The following EFR3B variants were observed in gnomAD, a reference collection of about 807,000 sequenced individuals.
The protein encoded by EFR3B is EFR3 homolog B.
In EFR3B, 64 loss-of-function variants were observed where a neutral mutation model predicts 104.7. That is an observed-to-expected ratio of 0.61 (90% CI 0.50 to 0.75). The LOEUF is 0.75. Ranked by LOEUF, EFR3B falls within the 30% of genes least tolerant of loss-of-function variation. The pLI, the probability that EFR3B is intolerant of heterozygous loss-of-function variation, is 0.00. For missense variants in EFR3B, 750 were observed against 1,078.5 expected (o/e 0.70, Z 4.27); for synonymous variants, 385 against 417.9 (o/e 0.92, Z 0.96).
In EFR3B at chr2:25,153,717, G is replaced by A. The variant is rs116495670; in HGVS notation, c.2304G>A (p.Ser768=). 71 of 1,551,538 alleles carry A rather than the reference G, an allele frequency of 4.6e-5. No individual in the cohort carries two copies. The Admixed American group carries it at 9.4e-4, about 21-fold the overall frequency. The stretch of plus-strand genomic sequence containing the variant: ...TTCCGTGTGTTTGTGTCTAGGCATC[G>A]CTGCTCCAGAGCAAACTCAATCAGA... ...EIAAHCGARA[S]LLQSKLNQIF... is the part of the protein sequence containing the mutation. Residue 768 remains serine (S), a synonymous_variant, in exon 22 of 23, where the codon TCG becomes TCA. Coordinates refer to ENST00000403714, the MANE Select transcript of EFR3B (RefSeq NM_014971.2).
At chr2:25,050,003 G>A (rs1667823418) in intron 1 of EFR3B, among the ~76,000 whole-genome samples, 1 of 151,172 alleles carries the variant, frequency 6.6e-6, no homozygotes, top group South Asian at 2.1e-4. Context: ...GGTGGCGCAT[G>A]CCTATAATCC....
At chr2:25,117,417 T>A (rs1390919385) in intron 4 of EFR3B, among the ~76,000 whole-genome samples, 3 of 151,816 alleles carry the variant, frequency 2.0e-5, no homozygotes, top group African/African-American at 7.3e-5. Context: ...ACCCTCTTTT[T>A]TTTTTTTTTT....
At chr2:25,124,234 TTCCAGTAACACCCTTGGG>T (rs1670098854) in intron 5 of EFR3B, among the ~76,000 whole-genome samples, 4 of 151,462 alleles carry the variant, frequency 2.6e-5, no homozygotes. Context: ...TGACTGCCCT[TTCCAGTAACACCCTTGGG>T]TCCAGCAGTG....
intron 4 of EFR3B, among the ~76,000 whole-genome samples, chr2:25,120,191 C>CAA (rs148865567): frequency 4.1e-5 from 6 of 147,938 alleles, no homozygotes; most frequent in South Asian, 4.3e-4. Context: ...GCTGTCTCTA[C>CAA]AAAAAAAAAA....
intron 1 of EFR3B, among the ~76,000 whole-genome samples, chr2:25,086,102 C>A (rs1033870070): frequency 2.1e-4 from 32 of 152,120 alleles, no homozygotes; most frequent in Middle Eastern, 3.4e-3. Context: ...GGCTTGATCA[C>A]TCATTTCTTT....
At chr2:25,125,940 A>G (rs985311146) in intron 5 of EFR3B, among the ~76,000 whole-genome samples, 1 of 152,246 alleles carries the variant, frequency 6.6e-6, no homozygotes, top group Admixed American at 6.5e-5. Flanking sequence ...TCTCAAAAAA[A>G]AACGAAGTTA....
At position 25,104,962 on chromosome 2, in the gene EFR3B, C is replaced by T. The variant is rs554387620; in HGVS notation, c.363+1175C>T. Among the ~76,000 whole-genome samples the T allele has an allele frequency of 9.2e-5, 14 of 152,326 alleles. No individual in the cohort carries two copies. The East Asian group carries it at 1.2e-3, about 13-fold the overall frequency. On this transcript the variant is annotated intron_variant, in intron 4 of 22. Coordinates refer to ENST00000403714, the MANE Select transcript of EFR3B (RefSeq NM_014971.2). Reference sequence around the variant, plus strand: ...TTGTGTGCATTTAAACATACTCCCACGCCCTGGTTGTCTTTAATATCTTGC... The same window carrying T: ...TTGTGTGCATTTAAACATACTCCCATGCCCTGGTTGTCTTTAATATCTTGC...
chr2:25,042,667 GTT>G lies in EFR3B; in HGVS notation c.7+350_7+351del, dbSNP rs974409864. ...AGCATTTGCGGAATTAACAAAAGCGGTTTGTGCCTGGGAGTTTTCTGTGGGAA... is the reference window on the plus strand; with the variant it reads ...AGCATTTGCGGAATTAACAAAAGCGGTGTGCCTGGGAGTTTTCTGTGGGAA... On this transcript the variant is annotated intron_variant, in intron 1 of 22. Transcript: ENST00000403714. The surrounding 1 kb of genome is among the most constrained non-coding windows in gnomAD (Gnocchi z 5.4). The G allele has an allele frequency of 2.8e-5, 29 of 1,051,848 alleles. No homozygotes were observed. In the African/African-American group the frequency reaches 4.4e-4, roughly 16 times the overall value. The allele number at this position is 1,051,848 out of a possible 1,614,324, so 65.2% of individuals were successfully genotyped here.
In EFR3B at chr2:25,158,538, G is replaced by A. The variant is rs1179496123; in HGVS notation, c.*4198G>A. 1 of 152,374 alleles carries A rather than the reference G, an allele frequency of 6.6e-6. No homozygotes were observed. The highest frequency in any genetic ancestry group is 1.5e-5 in the Non-Finnish European group (1 of 68,114). 9.4% of individuals were successfully genotyped at this position (152,374 alleles called of 1,614,324 possible). A position where few individuals can be genotyped will look rare whatever the true frequency, so the allele number is the denominator to read the frequency against. On this transcript the variant is annotated 3_prime_UTR_variant, in exon 23 of 23. Transcript: ENST00000403714. ...GCCTAGGTCTGAAGACTGCAGGATA[G>A]TCATGATGGGCCCATCCTAGAGCCT... is the stretch of plus-strand genomic sequence containing the variant.
intron 4 of EFR3B, among the ~76,000 whole-genome samples, chr2:25,109,491 A>C (rs1669660038): frequency 6.6e-6 from 1 of 152,218 alleles, no homozygotes; most frequent in African/African-American, 2.4e-5. Flanking sequence ...CAACATATGG[A>C]ATTATATGGC....
At chr2:25,044,084 G>A (rs991683176) in intron 1 of EFR3B, among the ~76,000 whole-genome samples, 1 of 152,220 alleles carries the variant, frequency 6.6e-6, no homozygotes, top group African/African-American at 2.4e-5. Context: ...GCTATTTTCA[G>A]ACACATCTCA....
chr2:25,046,694 G>A (rs932934658), intron 1 of EFR3B, among the ~76,000 whole-genome samples: 4 of 151,092 alleles, frequency 2.6e-5, no homozygotes, highest in Non-Finnish European at 5.9e-5. Context: ...TAGTAGAGAC[G>A]GGGTTTCACC....
Position 25,141,036 on chromosome 2 carries a change from G to A in EFR3B, c.1855-330G>A, listed in dbSNP as rs543597320. The stretch of plus-strand genomic sequence containing the variant: ...AGCCTGGACAAGACAGCGAGACTCC[G>A]TCTCAAAAAAAAAAAAAAAAAAAAG... On this transcript the variant is annotated intron_variant, in intron 16 of 22. Coordinates refer to ENST00000403714, the MANE Select transcript of EFR3B (RefSeq NM_014971.2). 4.3e-5 allele frequency among the ~76,000 whole-genome samples: 5 copies of A among 117,144 alleles called. No homozygotes were observed. In the South Asian group the frequency reaches 1.6e-3, roughly 37 times the overall value. The allele number at this position is 117,144 out of a possible 152,430, so 76.9% of individuals were successfully genotyped here. A position where few individuals can be genotyped will look rare whatever the true frequency, so the allele number is the denominator to read the frequency against.
Position 25,137,512 on chromosome 2 carries a change from G to A in EFR3B, c.1722+10G>A, listed in dbSNP as rs1339808420. On this transcript the variant is annotated intron_variant, in intron 15 of 22. Transcript: ENST00000403714. This position sits in a 1 kb window ranked among gnomAD's most constrained non-coding sequence, Gnocchi z 4.7. ...GGTGCTGGCTGTTCAGGTGGGGCCT[G>A]GTGTGCGCAGGGCATGGGGCTTGGG... 5.8e-6 allele frequency: 9 copies of A among 1,551,728 alleles called. No individual in the cohort carries two copies. Among genetic ancestry groups the A allele is most frequent in the South Asian group, 3.6e-5 (3 of 84,056 alleles).
intron 1 of EFR3B, chr2:25,081,283 G>C (rs952084493): frequency 1.2e-5 from 12 of 1,028,326 alleles, no homozygotes; most frequent in Non-Finnish European, 1.8e-5. Context: ...CCTTTTCCTC[G>C]ACCATCAGCT....
chr2:25,064,468 A>G (rs998035791), intron 1 of EFR3B, among the ~76,000 whole-genome samples: 4 of 152,222 alleles, frequency 2.6e-5, no homozygotes, highest in Admixed American at 6.5e-5. Flanking sequence ...GCTGACCACA[A>G]TAGGAAACTG....
rs1484811931 is a variant in EFR3B, at chr2:25,131,815, C to T, written c.1051C>T (p.Leu351=). 14 of 1,549,750 alleles carry T rather than the reference C, an allele frequency of 9.0e-6. No individual in the cohort carries two copies. Among genetic ancestry groups the T allele is most frequent in the Non-Finnish European group, 1.2e-5 (14 of 1,146,412 alleles). ...GCTGCGGCTCAGCATCGACTACGCG[C>T]TGACCGGGAGCTACGACGGGGCGGT... The part of the protein sequence containing the change: ...RQLRLSIDYA[L]TGSYDGAVSL... Residue 351 remains leucine, a synonymous_variant, in exon 10 of 23, where the codon CTG becomes TTG. Transcript: ENST00000403714. This position sits in a 1 kb window ranked among gnomAD's most constrained non-coding sequence, Gnocchi z 7.6.
At chr2:25,139,542 T>C (rs1260394707) in intron 16 of EFR3B, among the ~76,000 whole-genome samples, 4 of 152,002 alleles carry the variant, frequency 2.6e-5, no homozygotes, top group Non-Finnish European at 4.4e-5. Flanking sequence ...AAAAGTGACC[T>C]CAGATCATGC....
chr2:25,119,600 A>C (rs1282575359), intron 4 of EFR3B, among the ~76,000 whole-genome samples: 1 of 152,166 alleles, frequency 6.6e-6, no homozygotes, highest in African/African-American at 2.4e-5. Context: ...CTGCGTCACC[A>C]CATCAGTCAT....
Sources: allele counts gnomAD v4.1 joint callset (sites outside exome capture counted in the v4.1 genomes callset), GRCh38; gene constraint gnomAD v4.1.1; non-coding constraint Gnocchi (gnomAD v3.1); transcripts MANE v1.5; gene names NCBI Gene and HGNC (gene_info 2026-07-23, HGNC 2026-07-21).